The following RABGAP1 variants were observed in gnomAD, a reference collection of about 807,000 sequenced individuals.
RABGAP1 encodes the protein rab GTPase-activating protein 1.
In RABGAP1, 23 loss-of-function variants were observed where a neutral mutation model predicts 137.6. That is an observed-to-expected ratio of 0.17 (90% CI 0.12 to 0.24). The LOEUF is 0.24. Ranked by LOEUF, RABGAP1 falls within the 10% of genes least tolerant of loss-of-function variation. The pLI, the probability that RABGAP1 is intolerant of heterozygous loss-of-function variation, is 1.00. For missense variants in RABGAP1, 906 were observed against 1,275.8 expected (o/e 0.71, Z 4.42); for synonymous variants, 451 against 450.7 (o/e 1.00, Z -0.01).
chr9:122,979,013 C>G (rs1835911684), intron 2 of RABGAP1, among the ~76,000 whole-genome samples: 1 of 152,060 alleles, frequency 6.6e-6, no homozygotes, highest in Non-Finnish European at 1.5e-5. Flanking sequence ...ATCCTCCCAC[C>G]TCAGCCTCTT....
chr9:122,987,202 C>T (rs1375038864), intron 4 of RABGAP1, among the ~76,000 whole-genome samples: 3 of 152,104 alleles, frequency 2.0e-5, no homozygotes, highest in African/African-American at 7.2e-5. Context: ...GCTGTTTATA[C>T]TAATAGAACA....
At chr9:122,941,954 G>A (rs1448804892) in intron 1 of RABGAP1, among the ~76,000 whole-genome samples, 3 of 152,206 alleles carry the variant, frequency 2.0e-5, no homozygotes, top group Non-Finnish European at 4.4e-5. Context: ...TAGTGTTCCC[G>A]CTACTAGTGC....
At chr9:123,076,057 G>C (rs925799446) in intron 17 of RABGAP1, among the ~76,000 whole-genome samples, 188 bp from the exon 18 acceptor site, 2 of 152,174 alleles carry the variant, frequency 1.3e-5, no homozygotes, top group Non-Finnish European at 2.9e-5. Context: ...CTCAGAAAAA[G>C]GGGAAGCTAG....
At chr9:123,099,986 TTTTTA>T (rs1274293426) in intron 24 of RABGAP1, among the ~76,000 whole-genome samples, 1 of 152,056 alleles carries the variant, frequency 6.6e-6, no homozygotes, top group African/African-American at 2.4e-5. Flanking sequence ...CCTTAGTTTA[TTTTTA>T]TTTTTTTTTA....
chr9:123,023,616 AT>A (rs2131944160), intron 13 of RABGAP1, among the ~76,000 whole-genome samples: 1 of 152,316 alleles, frequency 6.6e-6, no homozygotes, highest in East Asian at 1.9e-4. Flanking sequence ...TGTTTAGAGT[AT>A]TCCATTATAT....
Position 123,074,423 on chromosome 9 carries a change from T to C in RABGAP1, c.2248T>C (p.Cys750Arg), listed in dbSNP as rs2034450992. The C allele has an allele frequency of 6.2e-7, 1 of 1,612,736 alleles. No individual in the cohort carries two copies. The highest frequency in any genetic ancestry group is 8.5e-7 in the Non-Finnish European group (1 of 1,179,006). The change falls in exon 17 of 26, where the codon TGT becomes CGT. Residue 750 changes from cysteine (C) to arginine (R), a missense_variant. Cys to Arg is a radical substitution (Grantham distance 180). Coordinates refer to ENST00000373647, the MANE Select transcript of RABGAP1 (RefSeq NM_012197.4). ...MVFHIIDLLL[C>R]EGISVIFNVA... ...CTTCCATATCATCGACCTGCTTTTA[T>C]GTGAGGTATGTATCAGAGGCCACAG...
At chr9:122,992,349 T>C (rs1836771480) in intron 6 of RABGAP1, among the ~76,000 whole-genome samples, 1 of 152,148 alleles carries the variant, frequency 6.6e-6, no homozygotes, top group Non-Finnish European at 1.5e-5. Flanking sequence ...TTTTTTTCTT[T>C]ATTGAAAATA....
intron 19 of RABGAP1, among the ~76,000 whole-genome samples, chr9:123,081,585 C>CT (rs1042588688): frequency 4.6e-5 from 7 of 152,194 alleles, no homozygotes; most frequent in Non-Finnish European, 8.8e-5. Flanking sequence ...TACAGGCATG[C>CT]ACCACCATTT....
At chr9:122,969,576 G>T (rs10122196) in intron 2 of RABGAP1, among the ~76,000 whole-genome samples, 4 of 151,788 alleles carry the variant, frequency 2.6e-5, no homozygotes, top group Admixed American at 1.3e-4. Context: ...GATATCTTGC[G>T]CAGTGGTCCT....
intron 13 of RABGAP1, among the ~76,000 whole-genome samples, chr9:123,057,006 C>G (rs866654241): frequency 6.6e-6 from 1 of 151,460 alleles, no homozygotes; most frequent in Admixed American, 6.6e-5. Context: ...CTCCCAGATG[C>G]GGTGGTGGCC....
intron 14 of RABGAP1, among the ~76,000 whole-genome samples, chr9:123,067,638 G>T (rs62580312): frequency 6.6e-6 from 1 of 152,134 alleles, no homozygotes; most frequent in Non-Finnish European, 1.5e-5. Context: ...CCACTGAACC[G>T]TGATGTCTTC....
At chr9:123,024,962 G>A (rs2131950399) in intron 13 of RABGAP1, among the ~76,000 whole-genome samples, 1 of 152,172 alleles carries the variant, frequency 6.6e-6, no homozygotes, top group African/African-American at 2.4e-5. Flanking sequence ...CAGTTTTTAT[G>A]TAGAAAATTG....
chr9:122,964,000 A>C (rs150254878), intron 2 of RABGAP1, among the ~76,000 whole-genome samples: 2 of 152,338 alleles, frequency 1.3e-5, no homozygotes, highest in Admixed American at 6.5e-5. Context: ...GAAATGGACA[A>C]ATTTCTAGAG....
At chr9:122,992,152 T>C (rs538686411) in intron 6 of RABGAP1, among the ~76,000 whole-genome samples, 1 of 152,148 alleles carries the variant, frequency 6.6e-6, no homozygotes, top group South Asian at 2.1e-4. Context: ...TTCTCATGCC[T>C]CAGCCTCCTG....
At chr9:123,093,634 T>C (rs899910785) in intron 21 of RABGAP1, among the ~76,000 whole-genome samples, 2 of 152,204 alleles carry the variant, frequency 1.3e-5, no homozygotes, top group African/African-American at 4.8e-5. Flanking sequence ...AATTGGCGGG[T>C]TCACTTCTTG....
chr9:123,088,621 A>G (rs948096352), intron 19 of RABGAP1, among the ~76,000 whole-genome samples: 1 of 151,984 alleles, frequency 6.6e-6, no homozygotes, highest in African/African-American at 2.4e-5. Flanking sequence ...ACAGGATGTC[A>G]AGGCTGCAGT....
chr9:123,044,963 A>G (rs551662897), intron 13 of RABGAP1, among the ~76,000 whole-genome samples: 2 of 152,336 alleles, frequency 1.3e-5, no homozygotes, highest in South Asian at 2.1e-4. Flanking sequence ...GTGATCTACA[A>G]TTTAACAAAC....
At chr9:122,985,611 CA>C (rs34147826) in intron 3 of RABGAP1, among the ~76,000 whole-genome samples, 45 of 91,114 alleles carry the variant, frequency 4.9e-4, no homozygotes, top group East Asian at 3.9e-3. Flanking sequence ...GACTCCGTCT[CA>C]AAAAAAAAAA....
chr9:123,097,036 T>A (rs1261170292), intron 21 of RABGAP1, among the ~76,000 whole-genome samples: 1 of 152,240 alleles, frequency 6.6e-6, no homozygotes, highest in African/African-American at 2.4e-5. Flanking sequence ...GCAGAGACCC[T>A]CTGTATTTAG....
Sources: gnomAD v4.1 joint callset for allele counts (sites outside exome capture counted in the v4.1 genomes callset) on GRCh38, gnomAD v4.1.1 for gene constraint, MANE v1.5 for transcripts, NCBI Gene and HGNC (gene_info 2026-07-23, HGNC 2026-07-21) for gene names.